COLEC10: variants seen among roughly 807,000 people sequenced by gnomAD.
The protein encoded by COLEC10 is collectin subfamily member 10.
COLEC10 carries 22 observed loss-of-function variants against 28.4 expected under a neutral mutation model. The ratio of observed to expected loss-of-function variants is 0.78; its 90% confidence interval spans 0.55 to 1.11. COLEC10 has a LOEUF of 1.11. Ranked by LOEUF, COLEC10 falls within the 50% of genes least tolerant of loss-of-function variation. The probability of loss-of-function intolerance (pLI) is 0.00; values close to 1 mark genes in which losing one functional copy is unlikely to be tolerated. For synonymous variants in COLEC10, 125 were observed against 116.1 expected (o/e 1.08, Z -0.49); for missense variants, 361 against 344.1 (o/e 1.05, Z -0.39).
intron 1 of COLEC10, among the ~76,000 whole-genome samples, chr8:119,004,554 A>G (rs1258663612): frequency 2.0e-5 from 3 of 151,068 alleles, no homozygotes; most frequent in Non-Finnish European, 4.4e-5. Flanking sequence ...GATATATTCA[A>G]GCATATATAT....
chr8:119,021,621 C>A (rs1814096853), intron 2 of COLEC10, among the ~76,000 whole-genome samples: 1 of 152,114 alleles, frequency 6.6e-6, no homozygotes, highest in South Asian at 2.1e-4. Flanking sequence ...TGAGCAACAC[C>A]ACTTTTTGCT....
chr8:119,062,565 C>T (rs958052379), upstream of COLEC10, among the ~76,000 whole-genome samples: 3 of 151,944 alleles, frequency 2.0e-5, no homozygotes, highest in Admixed American at 1.3e-4. Flanking sequence ...CTGCGACCTC[C>T]GCCCCCCGGG....
intron 2 of COLEC10, among the ~76,000 whole-genome samples, chr8:119,025,050 T>C (rs1432256940): frequency 6.6e-6 from 1 of 152,180 alleles, no homozygotes; most frequent in Admixed American, 6.5e-5. Context: ...AAGACTTTCA[T>C]ATAATTCCAG....
chr8:119,035,041 A>G (rs985101793), intron 2 of COLEC10, among the ~76,000 whole-genome samples: 4 of 152,232 alleles, frequency 2.6e-5, no homozygotes, highest in Admixed American at 6.5e-5. Context: ...ATTGGGCAAG[A>G]CCATCTATAC....
At chr8:119,087,613 T>G (rs1310636139) in intron 1 of COLEC10, among the ~76,000 whole-genome samples, 1 of 152,146 alleles carries the variant, frequency 6.6e-6, no homozygotes, top group Non-Finnish European at 1.5e-5. Context: ...AGCTGTTTTT[T>G]TTCTTTTCTC....
chr8:119,079,015 AC>A lies in COLEC10; in HGVS notation c.149-10664del, dbSNP rs1402486418. 5.4e-5 allele frequency among the ~76,000 whole-genome samples: 8 copies of A among 148,792 alleles called. No individual in the cohort carries two copies. The East Asian group carries it at 1.2e-3, about 23-fold the overall frequency. ...TACACACACACACACACACACACAC[AC>A]ACACACACACACACACACACACACA... On this transcript the variant is annotated intron_variant, in intron 1 of 5. Coordinates refer to ENST00000332843, the MANE Select transcript of COLEC10 (RefSeq NM_006438.5).
intron 4 of COLEC10, among the ~76,000 whole-genome samples, chr8:119,103,285 A>C (rs1815875523): frequency 1.3e-5 from 2 of 152,222 alleles, no homozygotes; most frequent in Admixed American, 1.3e-4. Context: ...TATATGATTC[A>C]AACTTTGTCC....
At chr8:119,094,352 T>A (rs1156309544) in intron 3 of COLEC10, among the ~76,000 whole-genome samples, 1 of 152,150 alleles carries the variant, frequency 6.6e-6, no homozygotes, top group African/African-American at 2.4e-5. Context: ...ATAACACCAA[T>A]AACAAGTTGT....
intron 2 of COLEC10, among the ~76,000 whole-genome samples, chr8:119,090,932 A>G (rs1459472715): frequency 6.6e-6 from 1 of 152,184 alleles, no homozygotes; most frequent in East Asian, 1.9e-4. Context: ...TTTTAATATC[A>G]TCATGTCCGT....
chr8:119,061,421 A>G lies in COLEC10; in HGVS notation n.236-28259A>G, dbSNP rs1814853063. ...GTCCACATTAAGGCCATATCATTGA[A>G]ATTTCAGAATAGCTGGTATTGAAAA... On this transcript the variant is annotated intron_variant and non_coding_transcript_variant, in intron 2 of 6. Transcript: ENST00000521788. 2.7e-5 allele frequency among the ~76,000 whole-genome samples: 4 copies of G among 149,676 alleles called. No homozygotes were observed. In the Admixed American group the frequency reaches 2.7e-4, roughly 10 times the overall value.
rs1815980379 is a variant in COLEC10, at chr8:119,107,802, T to A, written c.*1611T>A. On this transcript the variant is annotated 3_prime_UTR_variant, in exon 6 of 6. Transcript: ENST00000332843. ...GAGGACCCAATCTTGCTAAATGTGC[T>A]GATATTTCAAGAGAAGTCAGAAAGC... Among the ~76,000 whole-genome samples the A allele has an allele frequency of 6.6e-6, 1 of 152,154 alleles. No individual in the cohort carries two copies. The highest frequency in any genetic ancestry group is 2.1e-4 in the South Asian group (1 of 4,834).
the COLEC10 span, among the ~76,000 whole-genome samples, chr8:118,969,686 T>C: frequency 1.3e-5 from 2 of 151,358 alleles, no homozygotes; most frequent in Non-Finnish European, 2.9e-5. Flanking sequence ...GGCTTGTTTC[T>C]TTCTTTCTTT....
intron 1 of COLEC10, among the ~76,000 whole-genome samples, chr8:119,002,685 A>G (rs1207588232): frequency 1.3e-5 from 2 of 152,142 alleles, no homozygotes; most frequent in African/African-American, 4.8e-5. Context: ...ACAAGTTCAT[A>G]TATGGTCAAT....
intron 2 of COLEC10, among the ~76,000 whole-genome samples, chr8:119,090,090 ATT>A (rs3214976): frequency 0.1 from 15,094 of 151,386 alleles, 1,705 homozygotes; most frequent in African/African-American, 0.28. Context: ...GCTAAGCAGC[ATT>A]TTTTTTTTAA....
chr8:118,983,955 A>G, the COLEC10 span, among the ~76,000 whole-genome samples: 1,214 of 152,202 alleles, frequency 8.0e-3, 11 homozygotes, highest in African/African-American at 0.028. Flanking sequence ...AAACAGAATT[A>G]CCATTCAATC....
At chr8:119,063,869 T>G (rs907113313), upstream of COLEC10, among the ~76,000 whole-genome samples, 5 of 152,112 alleles carry the variant, frequency 3.3e-5, no homozygotes, top group Admixed American at 6.6e-5. Context: ...ATAAAAGCAG[T>G]CAGAAAAAAG....
chr8:119,087,461 G>A (rs896409801), intron 1 of COLEC10, among the ~76,000 whole-genome samples: 1 of 152,058 alleles, frequency 6.6e-6, no homozygotes, highest in Non-Finnish European at 1.5e-5. Flanking sequence ...TGTAATTTTT[G>A]TCTATTCTAT....
chr8:119,013,029 GT>G (rs1554623222), intron 2 of COLEC10, among the ~76,000 whole-genome samples: 2 of 146,456 alleles, frequency 1.4e-5, no homozygotes, highest in South Asian at 4.3e-4. Context: ...TTTTTTTCTA[GT>G]TTTCTAAGGT....
At chr8:119,035,541 C>T (rs997567455) in intron 2 of COLEC10, among the ~76,000 whole-genome samples, 6 of 124,798 alleles carry the variant, frequency 4.8e-5, no homozygotes, top group African/African-American at 2.1e-4. Context: ...TTCTCAGAGA[C>T]CTTTGATGTC....
Sources: allele counts gnomAD v4.1 joint callset (sites outside exome capture counted in the v4.1 genomes callset), GRCh38; gene constraint gnomAD v4.1.1; transcripts MANE v1.5; gene names NCBI Gene and HGNC (gene_info 2026-07-23, HGNC 2026-07-21).